ATP2C2: variants seen among roughly 807,000 people sequenced by gnomAD.
The protein encoded by ATP2C2 is calcium-transporting ATPase type 2C member 2.
A neutral mutation model predicts 110.8 loss-of-function variants in ATP2C2; 171 were observed. The ratio of observed to expected loss-of-function variants is 1.54; its 90% CI spans 1.36 to 1.75. ATP2C2 has a LOEUF of 1.75. ATP2C2 is among the 40% of genes most tolerant of loss of function. The pLI, the probability that ATP2C2 is intolerant of heterozygous loss-of-function variation, is 0.00. For synonymous variants in ATP2C2, 804 were observed against 508.4 expected (o/e 1.58, Z -7.82); for missense variants, 1,963 against 1,235.0 (o/e 1.59, Z -8.84).
At chr16:84,436,246 T>C (rs1908725602) in intron 11 of ATP2C2, among the ~76,000 whole-genome samples, 1 of 152,256 alleles carries the variant, frequency 6.6e-6, no homozygotes, top group South Asian at 2.1e-4. Context: ...ATGAAAAAGA[T>C]ACTGGATTTC....
At chr16:84,447,720 GTATAAGAA>G (rs1307363348) in intron 16 of ATP2C2, among the ~76,000 whole-genome samples, 3 of 134,046 alleles carry the variant, frequency 2.2e-5, no homozygotes, top group Non-Finnish European at 4.6e-5. Context: ...TATTATAATT[GTATAAGAA>G]TATATTAGTT....
chr16:84,375,536 G>T (rs933987199), intron 1 of ATP2C2, among the ~76,000 whole-genome samples: 21 of 83,760 alleles, frequency 2.5e-4, no homozygotes, highest in African/African-American at 7.7e-4. Flanking sequence ...GCAAGACTCT[G>T]TCTCAAAAAA....
At chr16:84,419,429 G>T (rs1454780943) in intron 7 of ATP2C2, among the ~76,000 whole-genome samples, 1 of 152,020 alleles carries the variant, frequency 6.6e-6, no homozygotes, top group Non-Finnish European at 1.5e-5. Flanking sequence ...GAGGACCCTC[G>T]TGATCTCACG....
intron 21 of ATP2C2, 33 bp from the exon 22 acceptor site, chr16:84,459,087 G>C: frequency 6.2e-7 from 1 of 1,611,062 alleles, no homozygotes; most frequent in Non-Finnish European, 8.5e-7. Context: ...ACGCAGGCCC[G>C]CTCCGTGAGT....
rs58934576 is a variant in ATP2C2, at chr16:84,397,655, C to CAAAAA, written c.100-830_100-826dup. Among the ~76,000 whole-genome samples the CAAAAA allele has an allele frequency of 7.0e-3, 445 of 63,502 alleles. 70 individuals are homozygous for CAAAAA. The highest frequency in any genetic ancestry group is 0.03 in the South Asian group (37 of 1,230). The allele number at this position is 63,502 out of a possible 152,430, so 41.7% of individuals were successfully genotyped here. A position where few individuals can be genotyped will look rare whatever the true frequency, so the allele number is the denominator to read the frequency against. ...CACCACTGCACTCCAGCCTGGGTGA[C>CAAAAA]AAAAAAAAAAAAAAAAAACTTGCTT... On this transcript the variant is annotated intron_variant, in intron 1 of 26. Transcript: ENST00000262429.
intron 1 of ATP2C2, among the ~76,000 whole-genome samples, chr16:84,381,591 A>G (rs903851752): frequency 6.6e-6 from 1 of 152,096 alleles, no homozygotes; most frequent in African/African-American, 2.4e-5. Flanking sequence ...AAAAGAAAAA[A>G]TATTTAAAAA....
In ATP2C2 at chr16:84,443,249, G is replaced by A. The variant is rs568952672; in HGVS notation, c.1401+650G>A. Among the ~76,000 whole-genome samples, 21 of 152,314 alleles carry A rather than the reference G, an allele frequency of 1.4e-4. No individual in the cohort carries two copies. The South Asian group carries it at 4.3e-3, about 32-fold the overall frequency. On this transcript the variant is annotated intron_variant, in intron 15 of 26. Coordinates refer to ENST00000262429, the MANE Select transcript of ATP2C2 (RefSeq NM_014861.4). ...AGGAGGGGCCGGCAGAGGTTAAGAGGAGGGAGCAAAGGAAGGAAGAAGGTG... is the reference window on the plus strand; with the variant it reads ...AGGAGGGGCCGGCAGAGGTTAAGAGAAGGGAGCAAAGGAAGGAAGAAGGTG...
At chr16:84,450,580 G>A (rs1910167154) in intron 17 of ATP2C2, among the ~76,000 whole-genome samples, 1 of 152,146 alleles carries the variant, frequency 6.6e-6, no homozygotes, top group Non-Finnish European at 1.5e-5. Context: ...GAGGGGAGGG[G>A]ACCATTGGAA....
At chr16:84,419,726 A>C (rs12922477) in intron 7 of ATP2C2, among the ~76,000 whole-genome samples, 18,490 of 152,120 alleles carry the variant, frequency 0.12, 1,256 homozygotes, top group South Asian at 0.23. Flanking sequence ...ACTACGTATG[A>C]GGCCCTGGGC....
intron 7 of ATP2C2, among the ~76,000 whole-genome samples, chr16:84,417,313 C>G (rs985325999): frequency 1.3e-5 from 2 of 152,102 alleles, no homozygotes; most frequent in Non-Finnish European, 2.9e-5. Context: ...GCTCCTAGGG[C>G]GTGACTCGGG....
At chr16:84,379,336 G>A (rs190437564) in intron 1 of ATP2C2, among the ~76,000 whole-genome samples, 2,121 of 152,262 alleles carry the variant, frequency 0.014, 18 homozygotes, top group Middle Eastern at 0.017. Flanking sequence ...AACCATGCTT[G>A]GCTAATTTTT....
intron 7 of ATP2C2, among the ~76,000 whole-genome samples, chr16:84,416,614 T>C (rs1026937455): frequency 1.3e-5 from 2 of 152,102 alleles, no homozygotes; most frequent in Non-Finnish European, 2.9e-5. Flanking sequence ...CACTCGGACA[T>C]TGATCCTCTC....
chr16:84,463,674 T>G lies in ATP2C2; in HGVS notation c.2783T>G (p.Leu928Arg). 1 of 1,614,212 alleles carries G rather than the reference T, an allele frequency of 6.2e-7. No homozygotes were observed. The highest frequency in any genetic ancestry group is 8.5e-7 in the Non-Finnish European group (1 of 1,180,036). ...SVFILSELLK[L>R]CEKYCCSPKR... is the part of the protein sequence containing the mutation. Reference sequence around the variant, plus strand: ...TTCATTTTGTCAGAGCTCCTCAAACTATGTGAAAAATACTGTTGCAGCCCC... The same window carrying G: ...TTCATTTTGTCAGAGCTCCTCAAACGATGTGAAAAATACTGTTGCAGCCCC... The change falls in exon 27 of 27, where the codon CTA becomes CGA. Residue 928 changes from leucine to arginine, a missense_variant. Physicochemically the swap from Leu to Arg is moderately radical, Grantham distance 102. Transcript: ENST00000262429.
At chr16:84,404,626 T>C in intron 2 of ATP2C2, 1 of 261,372 alleles carries the variant, frequency 3.8e-6, no homozygotes, top group Non-Finnish European at 7.5e-6. Flanking sequence ...TGTTTCCTCC[T>C]TTTTGCTTTT....
chr16:84,455,144 C>G (rs1433731375), intron 21 of ATP2C2, among the ~76,000 whole-genome samples, 160 bp downstream of exon 21: 4 of 152,182 alleles, frequency 2.6e-5, no homozygotes, highest in African/African-American at 9.6e-5. Flanking sequence ...CCCCCAACCC[C>G]AAGTACCAAC....
chr16:84,425,567 G>A (rs535510931), intron 10 of ATP2C2, among the ~76,000 whole-genome samples, 168 bp from the exon 11 acceptor site: 24 of 152,258 alleles, frequency 1.6e-4, no homozygotes, highest in African/African-American at 5.1e-4. Flanking sequence ...AGGTATAAAC[G>A]TATCTCCCTT....
At chr16:84,444,374 G>C (rs767924750) in intron 15 of ATP2C2, among the ~76,000 whole-genome samples, 1 of 152,076 alleles carries the variant, frequency 6.6e-6, no homozygotes, top group Non-Finnish European at 1.5e-5. Context: ...TCGGGAGGCT[G>C]AGGCAGGAGA....
intron 11 of ATP2C2, among the ~76,000 whole-genome samples, chr16:84,433,825 C>T (rs541129368): frequency 7.0e-4 from 106 of 152,058 alleles, no homozygotes; most frequent in Middle Eastern, 6.8e-3. Context: ...TGTGCTCAAG[C>T]CCCAAATACC....
chr16:84,461,453 T>C, intron 24 of ATP2C2: 2 of 578,616 alleles, frequency 3.5e-6, no homozygotes, highest in South Asian at 4.2e-5. Flanking sequence ...AGACAGTTAC[T>C]TCCTGGAGGA....
Sources: gnomAD v4.1 joint callset for allele counts (sites outside exome capture counted in the v4.1 genomes callset) on GRCh38, gnomAD v4.1.1 for gene constraint, MANE v1.5 for transcripts, NCBI Gene and HGNC (gene_info 2026-07-23, HGNC 2026-07-21) for gene names.